SLC22A3: variants seen among roughly 807,000 people sequenced by gnomAD.
SLC22A3 encodes solute carrier family 22 member 3, also known as EMT organic cation transporter 3.
A neutral mutation model predicts 59.1 loss-of-function variants in SLC22A3; 51 were observed. The observed-to-expected ratio is 0.86, with a 90% CI of 0.69 to 1.09. The LOEUF is 1.09. Among genes scored for constraint, SLC22A3 ranks in the 50% least tolerant of loss-of-function variants. The pLI, the probability that SLC22A3 is intolerant of heterozygous loss-of-function variation, is 0.00. For synonymous variants in SLC22A3, 325 were observed against 292.0 expected (o/e 1.11, Z -1.15); for missense variants, 711 against 726.3 (o/e 0.98, Z 0.24).
At chr6:160,449,593 T>A (rs1788874082) in intron 10 of SLC22A3, among the ~76,000 whole-genome samples, 1 of 152,254 alleles carries the variant, frequency 6.6e-6, no homozygotes, top group Admixed American at 6.5e-5. Context: ...TTATCGTTTC[T>A]GCTGGTTTTT....
chr6:160,389,640 A>C (rs559193954), intron 1 of SLC22A3, among the ~76,000 whole-genome samples: 7 of 152,138 alleles, frequency 4.6e-5, no homozygotes, highest in African/African-American at 9.7e-5. Flanking sequence ...TCCCTTCTTG[A>C]CCATTTGTAC....
chr6:160,385,090 T>C (rs903871110), intron 1 of SLC22A3, among the ~76,000 whole-genome samples: 2 of 152,264 alleles, frequency 1.3e-5, no homozygotes, highest in Non-Finnish European at 2.9e-5. Flanking sequence ...TGCAGGATGC[T>C]CCTTTTTCAT....
At chr6:160,367,823 C>G (rs1047474579) in intron 1 of SLC22A3, among the ~76,000 whole-genome samples, 1 of 152,316 alleles carries the variant, frequency 6.6e-6, no homozygotes, top group South Asian at 2.1e-4. Flanking sequence ...CCTCTGTAGT[C>G]GGTGCCAGCC....
chr6:160,366,076 C>T lies in SLC22A3; in HGVS notation c.429+17228C>T, dbSNP rs1300395201. Among the ~76,000 whole-genome samples, 3 of 152,140 alleles carry T rather than the reference C, an allele frequency of 2.0e-5. No individual in the cohort carries two copies. In the East Asian group the frequency reaches 5.8e-4, roughly 29 times the overall value. Reference sequence around the variant, plus strand: ...TCAAGATAGGATTTGGGTGGGAACACAGCCAAACCATATCATTCCACTCCT... The same window carrying T: ...TCAAGATAGGATTTGGGTGGGAACATAGCCAAACCATATCATTCCACTCCT... On this transcript the variant is annotated intron_variant, in intron 1 of 10. Transcript: ENST00000275300.
intron 2 of SLC22A3, among the ~76,000 whole-genome samples, chr6:160,400,159 C>A (rs904439843): frequency 8.1e-5 from 12 of 148,926 alleles, no homozygotes; most frequent in Non-Finnish European, 1.8e-4. Context: ...AAGGAAAATC[C>A]CTCATGCTCT....
chr6:160,407,131 T>C lies in SLC22A3; in HGVS notation c.624T>C (p.Phe208=). 6.2e-7 allele frequency: 1 copy of C among 1,612,594 alleles called. No individual in the cohort carries two copies. The highest frequency in any genetic ancestry group is 8.5e-7 in the Non-Finnish European group (1 of 1,179,170). Reference sequence around the variant, plus strand: ...CCTTTGCACCAAACTTCCCTGTGTTTGTGATCTTCCGCTTCCTGCAAGGTG... The same window carrying C: ...CCTTTGCACCAAACTTCCCTGTGTTCGTGATCTTCCGCTTCCTGCAAGGTG... The part of the protein sequence containing the change: ...VVAFAPNFPV[F]VIFRFLQGVF... Residue 208 remains phenylalanine, a synonymous_variant, in exon 3 of 11, where the codon TTT becomes TTC. Transcript: ENST00000275300.
chr6:160,374,756 C>T (rs2114781388), intron 1 of SLC22A3, among the ~76,000 whole-genome samples: 1 of 152,238 alleles, frequency 6.6e-6, no homozygotes, highest in Middle Eastern at 3.4e-3. Context: ...AGACCTGGAT[C>T]AAGAAGGGCC....
At position 160,432,602 on chromosome 6, in the gene SLC22A3, A is replaced by T. The variant is rs432919; in HGVS notation, c.976-4178A>T. The stretch of plus-strand genomic sequence containing the variant: ...ACCACCAAGCCCAGATATTTTTTGT[A>T]TTTTTAGTAGAGACGGGGTTTCACC... On this transcript the variant is annotated intron_variant, in intron 5 of 10. Coordinates refer to ENST00000275300, the MANE Select transcript of SLC22A3 (RefSeq NM_021977.4). Among the ~76,000 whole-genome samples the T allele has an allele frequency of 9.9e-5, 15 of 151,724 alleles. No individual in the cohort carries two copies. In the South Asian group the frequency reaches 2.7e-3, roughly 27 times the overall value.
At chr6:160,382,905 C>A (rs1236339100) in intron 1 of SLC22A3, among the ~76,000 whole-genome samples, 1 of 152,080 alleles carries the variant, frequency 6.6e-6, no homozygotes, top group African/African-American at 2.4e-5. Context: ...ATTGAAATAA[C>A]AAACTTGCTA....
chr6:160,392,435 C>T (rs1786299424), intron 1 of SLC22A3, among the ~76,000 whole-genome samples: 1 of 152,118 alleles, frequency 6.6e-6, no homozygotes, highest in Non-Finnish European at 1.5e-5. Context: ...ACATTTGCTT[C>T]ACAGAAATTG....
In SLC22A3 at chr6:160,449,390, GA is replaced by G. The variant is rs568679855; in HGVS notation, c.1610+1576del. ...TTTTCTGTTTATAATTTTTCATAAT[GA>G]AAAGTTGGGTACATTAATTAATTAT... On this transcript the variant is annotated intron_variant, in intron 10 of 10. Transcript: ENST00000275300. 2.6e-3 allele frequency among the ~76,000 whole-genome samples: 402 copies of G among 152,010 alleles called. 3 individuals carry two copies. The highest frequency in any genetic ancestry group is 0.014 in the Middle Eastern group (4 of 294).
chr6:160,416,859 C>T (rs1787516178), intron 5 of SLC22A3, among the ~76,000 whole-genome samples: 1 of 152,148 alleles, frequency 6.6e-6, no homozygotes, highest in African/African-American at 2.4e-5. Flanking sequence ...AGGATATGGC[C>T]ATTGCCCCAG....
intron 5 of SLC22A3, 108 bp downstream of exon 5, chr6:160,410,954 T>C (rs1787223650): frequency 1.7e-6 from 1 of 585,998 alleles, no homozygotes; most frequent in South Asian, 1.7e-5. Context: ...AAAATATGCA[T>C]ATTATATATA....
chr6:160,423,263 G>T (rs1371624286), intron 5 of SLC22A3, among the ~76,000 whole-genome samples: 1 of 152,136 alleles, frequency 6.6e-6, no homozygotes, highest in African/African-American at 2.4e-5. Context: ...CCAAGTCTTT[G>T]CTATTGTGAA....
intron 1 of SLC22A3, among the ~76,000 whole-genome samples, chr6:160,352,852 C>T (rs770379642): frequency 6.6e-6 from 1 of 152,154 alleles, no homozygotes; most frequent in Non-Finnish European, 1.5e-5. Flanking sequence ...GACAAAGTCT[C>T]GCTATGTCAC....
chr6:160,396,263 A>C (rs1450468334), intron 1 of SLC22A3, among the ~76,000 whole-genome samples: 2 of 152,246 alleles, frequency 1.3e-5, no homozygotes, highest in African/African-American at 2.4e-5. Flanking sequence ...TTGTTCCAGT[A>C]TTAAGAAAGT....
rs1788956743 is a variant in SLC22A3, at chr6:160,451,353, A to T, written c.*297A>T. On this transcript the variant is annotated 3_prime_UTR_variant, in exon 11 of 11. Transcript: ENST00000275300. Reference sequence around the variant, plus strand: ...TGTTCCCTGTGGTCTCTGACCCATTAGGCTAAAGAGAGACAAGAGAAGCCC... The same window carrying T: ...TGTTCCCTGTGGTCTCTGACCCATTTGGCTAAAGAGAGACAAGAGAAGCCC... The T allele has an allele frequency of 2.8e-6, 1 of 355,308 alleles. No individual in the cohort carries two copies. Among genetic ancestry groups the T allele is most frequent in the Non-Finnish European group, 5.2e-6 (1 of 190,770 alleles). 22.0% of individuals were successfully genotyped at this position (355,308 alleles called of 1,614,324 possible).
intron 1 of SLC22A3, among the ~76,000 whole-genome samples, chr6:160,360,318 C>A (rs909949422): frequency 6.6e-6 from 1 of 152,164 alleles, no homozygotes; most frequent in African/African-American, 2.4e-5. Context: ...ATTAGCCAGC[C>A]GTGATGGCAG....
At chr6:160,421,647 A>G (rs1583498312) in intron 5 of SLC22A3, among the ~76,000 whole-genome samples, 1 of 152,236 alleles carries the variant, frequency 6.6e-6, no homozygotes, top group African/African-American at 2.4e-5. Context: ...CATCAGCCAC[A>G]CGGGCTTGTT....
Sources: gnomAD v4.1 joint callset for allele counts (sites outside exome capture counted in the v4.1 genomes callset) on GRCh38, gnomAD v4.1.1 for gene constraint, MANE v1.5 for transcripts, NCBI Gene and HGNC (gene_info 2026-07-23, HGNC 2026-07-21) for gene names.